Variants in MBTPS1 observed in about 807,000 individuals in gnomAD.
MBTPS1 encodes membrane-bound transcription factor site-1 protease.
MBTPS1 carries 94 observed loss-of-function variants against 127.8 expected under a neutral mutation model. That is an observed-to-expected ratio of 0.74 (90% CI 0.62 to 0.87). The LOEUF (loss-of-function observed/expected upper bound fraction) is 0.87, where lower values mean the gene tolerates loss of function less well. Among genes scored for constraint, MBTPS1 ranks in the 40% least tolerant of loss-of-function variants. The pLI, the probability that MBTPS1 is intolerant of heterozygous loss-of-function variation, is 0.00. For missense variants in MBTPS1, 1,636 were observed against 1,353.2 expected (o/e 1.21, Z -3.28); for synonymous variants, 632 against 509.4 (o/e 1.24, Z -3.24).
chr16:84,074,474 T>C (rs2085821845), intron 12 of MBTPS1, 123 bp downstream of exon 12: 2 of 902,642 alleles, frequency 2.2e-6, no homozygotes, highest in Non-Finnish European at 3.3e-6. Context: ...GCTCAAGTGA[T>C]CCTCTCTCCT....
At chr16:84,072,746 T>C (rs2085789645) in intron 12 of MBTPS1, among the ~76,000 whole-genome samples, 1 of 152,070 alleles carries the variant, frequency 6.6e-6, no homozygotes, top group Non-Finnish European at 1.5e-5. Flanking sequence ...GCCGAGATCG[T>C]GCCACTGCAC....
intron 1 of MBTPS1, among the ~76,000 whole-genome samples, chr16:84,105,111 A>AT (rs1003110714): frequency 3.9e-5 from 6 of 152,052 alleles, no homozygotes; most frequent in African/African-American, 1.4e-4. Flanking sequence ...TCAAAAAAAA[A>AT]AAATAAATAA....
rs551996036 is a variant in MBTPS1, at chr16:84,090,581, A to T, written c.1031+294T>A. Among the ~76,000 whole-genome samples the T allele has an allele frequency of 2.0e-5, 3 of 152,350 alleles. No individual in the cohort carries two copies. The East Asian group carries it at 5.8e-4, about 29-fold the overall frequency. On this transcript the variant is annotated intron_variant, in intron 8 of 22. Transcript: ENST00000343411. ...TTTTCTGATTGATTTTTGGGGAAAA[A>T]AAGTAGTTAGAATAAAAACTTTAGG... is the stretch of plus-strand genomic sequence containing the variant.
chr16:84,083,947 T>C (rs1159736084), intron 10 of MBTPS1, among the ~76,000 whole-genome samples: 1 of 152,150 alleles, frequency 6.6e-6, no homozygotes, highest in African/African-American at 2.4e-5. Context: ...GTCTACTCGC[T>C]TGGAGAACTT....
intron 10 of MBTPS1, 75 bp from the exon 11 acceptor site, chr16:84,081,983 C>A: frequency 8.9e-7 from 1 of 1,118,308 alleles, no homozygotes; most frequent in Admixed American, 3.6e-5. Context: ...ACCTAACCTA[C>A]AAACGTGCAC....
chr16:84,081,131 G>A (rs1363071664), intron 11 of MBTPS1, among the ~76,000 whole-genome samples: 4 of 152,234 alleles, frequency 2.6e-5, no homozygotes, highest in Admixed American at 6.5e-5. Flanking sequence ...TCCAGACTCT[G>A]ACGCTCATAC....
At chr16:84,093,334 C>G (rs2086135986) in intron 5 of MBTPS1, 37 bp from the exon 6 acceptor site, 2 of 1,355,600 alleles carry the variant, frequency 1.5e-6, no homozygotes, top group South Asian at 1.2e-5. Context: ...ATAAAACACA[C>G]TGAATAGCAA....
At chr16:84,089,976 A>G (rs947478085) in intron 8 of MBTPS1, among the ~76,000 whole-genome samples, 8 of 152,240 alleles carry the variant, frequency 5.3e-5, no homozygotes, top group Admixed American at 2.6e-4. Flanking sequence ...TCTATGGCTC[A>G]TGATACGTAT....
At chr16:84,079,646 G>C (rs1392273916) in intron 11 of MBTPS1, among the ~76,000 whole-genome samples, 1 of 152,230 alleles carries the variant, frequency 6.6e-6, no homozygotes, top group African/African-American at 2.4e-5. Context: ...TGGATAATGA[G>C]AGCCAGGCTT....
At chr16:84,070,439 A>G in intron 13 of MBTPS1, 149 bp downstream of exon 13, 1 of 742,120 alleles carries the variant, frequency 1.3e-6, no homozygotes, top group Non-Finnish European at 2.2e-6. Flanking sequence ...GCTGCTCCGG[A>G]GGCCCTGGAA....
rs776427633 is a variant in MBTPS1, at chr16:84,095,800, G to T, written c.427C>A (p.Pro143Thr). 6.2e-6 allele frequency: 10 copies of T among 1,612,918 alleles called. 1 individual carries two copies. Among genetic ancestry groups the T allele is most frequent in the Admixed American group, 1.7e-5 (1 of 59,990 alleles). Residue 143 changes from proline (P) to threonine (T), a missense_variant, in exon 4 of 23, where the codon CCC becomes ACC. By Grantham distance (38) the Pro-to-Thr change is conservative. Transcript: ENST00000343411. Reference sequence around the variant, plus strand: ...CGGGTTTCATTGCAGGGTACTGTGGGGTCAGCTACAGGCAAGGGAGAGAAA... The same window carrying T: ...CGGGTTTCATTGCAGGGTACTGTGGTGTCAGCTACAGGCAAGGGAGAGAAA... Reference protein sequence around the residue: ...FRSLKYAESDPTVPCNETRWS... With the variant: ...FRSLKYAESDTTVPCNETRWS...
At chr16:84,084,169 G>C (rs1449339554) in intron 10 of MBTPS1, among the ~76,000 whole-genome samples, 2 of 152,168 alleles carry the variant, frequency 1.3e-5, no homozygotes, top group Non-Finnish European at 2.9e-5. Flanking sequence ...ATGTTGATCA[G>C]GCTGGTCTTG....
At chr16:84,080,159 T>C (rs1027552132) in intron 11 of MBTPS1, among the ~76,000 whole-genome samples, 1 of 152,142 alleles carries the variant, frequency 6.6e-6, no homozygotes, top group African/African-American at 2.4e-5. Flanking sequence ...ACCCACTAAA[T>C]GATATTAATT....
intron 9 of MBTPS1, chr16:84,086,400 G>A (rs7200709): frequency 0.26 from 40,225 of 152,286 alleles, 5,565 homozygotes; most frequent in East Asian, 0.39. Flanking sequence ...TGCTGAGGGA[G>A]CGTGGATGGG....
chr16:84,094,207 C>A (rs577581040), intron 4 of MBTPS1, among the ~76,000 whole-genome samples: 5 of 152,074 alleles, frequency 3.3e-5, no homozygotes, highest in African/African-American at 9.7e-5. Flanking sequence ...CTCCACCCCC[C>A]ACCTTCTCGG....
chr16:84,054,902 C>T (rs1413236140), intron 22 of MBTPS1, among the ~76,000 whole-genome samples: 2 of 152,128 alleles, frequency 1.3e-5, no homozygotes, highest in Non-Finnish European at 2.9e-5. Context: ...CTGGGATCCC[C>T]GCAGACGGAT....
rs2086167529 is a variant in MBTPS1 at position 84,095,593 on chromosome 16, A to G, written c.625+9T>C. 6.2e-7 allele frequency: 1 copy of G among 1,613,066 alleles called. No homozygotes were observed. Among genetic ancestry groups the G allele is most frequent in the Non-Finnish European group, 8.5e-7 (1 of 1,179,310 alleles). ...CCCATAAGCACCTTCCCTGGGTAATAGCACACACCTGTATATCCCATCTGC... is the reference window on the plus strand; with the variant it reads ...CCCATAAGCACCTTCCCTGGGTAATGGCACACACCTGTATATCCCATCTGC... On this transcript the variant is annotated intron_variant, in intron 4 of 22. Transcript: ENST00000343411.
At chr16:84,068,530 G>C (rs870584) in intron 14 of MBTPS1, 76 bp from the exon 15 acceptor site, 558,422 of 1,015,908 alleles carry the variant, frequency 0.55, 154,980 homozygotes, top group Non-Finnish European at 0.57. Flanking sequence ...CACAGGGCCG[G>C]CTCTGCAAGA....
At chr16:84,068,533 C>G (rs2085724424) in intron 14 of MBTPS1, 79 bp from the exon 15 acceptor site, 1 of 956,052 alleles carries the variant, frequency 1.0e-6, no homozygotes, top group Admixed American at 1.9e-5. Flanking sequence ...AGGGCCGGCT[C>G]TGCAAGAGCA....
Sources: gnomAD v4.1 joint callset for allele counts (sites outside exome capture counted in the v4.1 genomes callset) on GRCh38, gnomAD v4.1.1 for gene constraint, MANE v1.5 for transcripts, NCBI Gene and HGNC (gene_info 2026-07-23, HGNC 2026-07-21) for gene names.